AUTS2: variants seen among roughly 807,000 people sequenced by gnomAD.
The protein encoded by AUTS2 is autism susceptibility gene 2 protein.
Under a neutral mutation model 112.4 loss-of-function variants are expected in AUTS2, and 17 were observed. The observed-to-expected ratio is 0.15, with a 90% CI of 0.10 to 0.23. The LOEUF (loss-of-function observed/expected upper bound fraction) is 0.23. Ranked by LOEUF, AUTS2 falls within the 10% of genes least tolerant of loss-of-function variation. The pLI, the probability that AUTS2 is intolerant of heterozygous loss-of-function variation, is 1.00. For synonymous variants in AUTS2, 751 were observed against 702.7 expected, an observed-to-expected ratio of 1.07 and a Z score of -1.09; for missense variants, 1,510 against 1,701.6, an observed-to-expected ratio of 0.89 and a Z score of 1.98.
intron 4 of AUTS2, chr7:70,290,689 A>G (rs1788668801): frequency 4.5e-6 from 6 of 1,329,608 alleles, no homozygotes; most frequent in Middle Eastern, 5.5e-4. Context: ...CAATTCAGGT[A>G]TCAGATCCTT....
At chr7:70,437,221 T>G (rs983536260) in intron 5 of AUTS2, 2 of 152,228 alleles carry the variant, frequency 1.3e-5, no homozygotes, top group Non-Finnish European at 2.9e-5. Context: ...AACTGACAAG[T>G]AGGAGCTGCC....
chr7:69,799,485 G>A lies in AUTS2; in HGVS notation c.310-99801G>A, dbSNP rs116345687. 2.2e-3 allele frequency among the ~76,000 whole-genome samples: 331 copies of A among 152,196 alleles called. 1 individual carries two copies. The highest frequency in any genetic ancestry group is 7.6e-3 in the African/African-American group (316 of 41,518). ...TGAGGTCCAGCGAGTTTGGGGAACC[G>A]GTATTTTAGACAGGCAGGGAAGTGT... On this transcript the variant is annotated intron_variant, in intron 1 of 18. Transcript: ENST00000342771.
intron 1 of AUTS2, among the ~76,000 whole-genome samples, chr7:69,765,569 G>A (rs1307142889): frequency 6.6e-6 from 1 of 152,086 alleles, no homozygotes; most frequent in Non-Finnish European, 1.5e-5. Context: ...CTCCTGCCTT[G>A]ACCTCCCAAA....
rs556544155 is a variant in AUTS2 at position 70,105,678 on chromosome 7, A to G, written c.523-12454A>G. Among the ~76,000 whole-genome samples, 44 of 152,292 alleles carry G rather than the reference A, an allele frequency of 2.9e-4. 1 individual carries two copies. The South Asian group carries it at 9.1e-3, about 32-fold the overall frequency. ...CACTGTAGCTGCAAGAGCCAGAAAT[A>G]AACTCTTCATTTACTGGCCTCTCCC... On this transcript the variant is annotated intron_variant, in intron 2 of 18. Transcript: ENST00000342771.
intron 4 of AUTS2, among the ~76,000 whole-genome samples, chr7:70,255,318 C>T (rs1266073518): frequency 2.0e-5 from 3 of 151,934 alleles, no homozygotes; most frequent in Non-Finnish European, 4.4e-5. Context: ...GTTATCCGCC[C>T]GCCTCAGCCT....
intron 4 of AUTS2, among the ~76,000 whole-genome samples, chr7:70,281,452 G>C (rs1300338123): frequency 6.6e-6 from 1 of 152,242 alleles, no homozygotes; most frequent in African/African-American, 2.4e-5. Flanking sequence ...GAGAAGAAGA[G>C]ACAGCAAGTG....
intron 1 of AUTS2, among the ~76,000 whole-genome samples, chr7:69,874,451 C>A (rs1793638109): frequency 6.6e-6 from 1 of 152,100 alleles, no homozygotes; most frequent in African/African-American, 2.4e-5. Flanking sequence ...AAGTGGCATG[C>A]TTAAACTTGC....
chr7:70,340,016 C>G (rs2129620484), intron 4 of AUTS2, among the ~76,000 whole-genome samples: 1 of 152,224 alleles, frequency 6.6e-6, no homozygotes, highest in South Asian at 2.1e-4. Flanking sequence ...AAAATTGCAG[C>G]TCTTTTACTT....
intron 6 of AUTS2, among the ~76,000 whole-genome samples, chr7:70,730,157 C>G (rs7790623): frequency 0.23 from 34,836 of 151,968 alleles, 4,849 homozygotes; most frequent in East Asian, 0.58. Context: ...GCTGGGATTA[C>G]AGGTGTGAGC....
At chr7:70,249,268 CTTCTT>C (rs1813087873) in intron 4 of AUTS2, among the ~76,000 whole-genome samples, 1 of 152,016 alleles carries the variant, frequency 6.6e-6, no homozygotes, top group African/African-American at 2.4e-5. Context: ...GATTTGTTGT[CTTCTT>C]TTTTTAATTT....
chr7:69,895,775 A>G (rs1266745914), intron 1 of AUTS2, among the ~76,000 whole-genome samples: 2 of 152,248 alleles, frequency 1.3e-5, no homozygotes, highest in South Asian at 2.1e-4. Flanking sequence ...TCACATTTGT[A>G]TGGAATTACA....
At chr7:69,695,452 TA>T (rs1459902063) in intron 1 of AUTS2, among the ~76,000 whole-genome samples, 1 of 152,156 alleles carries the variant, frequency 6.6e-6, no homozygotes, top group Non-Finnish European at 1.5e-5. Context: ...TAATAAAATA[TA>T]AAACAAAAAA....
chr7:70,637,866 T>A (rs1347632203), intron 5 of AUTS2, among the ~76,000 whole-genome samples: 1 of 152,194 alleles, frequency 6.6e-6, no homozygotes, highest in Non-Finnish European at 1.5e-5. Context: ...CTTTGTTAAC[T>A]CCCTGGCAGA....
At chr7:70,212,352 A>G (rs962172088) in intron 4 of AUTS2, among the ~76,000 whole-genome samples, 1 of 152,224 alleles carries the variant, frequency 6.6e-6, no homozygotes, top group Non-Finnish European at 1.5e-5. Flanking sequence ...TCTGCTTAGC[A>G]GTTTCACCAG....
At chr7:70,496,152 A>T (rs1798483832) in intron 5 of AUTS2, among the ~76,000 whole-genome samples, 1 of 109,290 alleles carries the variant, frequency 9.1e-6, no homozygotes. Flanking sequence ...CCCCACTCAC[A>T]CACACCACGT....
intron 4 of AUTS2, among the ~76,000 whole-genome samples, chr7:70,371,145 C>T (rs1429515681): frequency 6.6e-6 from 1 of 152,136 alleles, no homozygotes; most frequent in East Asian, 1.9e-4. Context: ...TCTAACCATT[C>T]TCAGTCCTTG....
intron 1 of AUTS2, among the ~76,000 whole-genome samples, chr7:69,747,676 A>G (rs1283500687): frequency 6.6e-6 from 1 of 152,020 alleles, no homozygotes; most frequent in African/African-American, 2.4e-5. Flanking sequence ...CCACCACCGC[A>G]TGAGCTGCTT....
chr7:70,085,967 T>C (rs1212996924), intron 2 of AUTS2, among the ~76,000 whole-genome samples: 2 of 152,204 alleles, frequency 1.3e-5, no homozygotes, highest in African/African-American at 4.8e-5. Flanking sequence ...ACATGTGTAC[T>C]GCAAAGCCTA....
intron 2 of AUTS2, among the ~76,000 whole-genome samples, chr7:69,940,767 G>A (rs1222985940): frequency 6.6e-5 from 10 of 152,164 alleles, no homozygotes; most frequent in African/African-American, 2.4e-4. Context: ...GAAGGAGGAT[G>A]GCAGCCTGGA....
Sources: gnomAD v4.1 joint callset for allele counts (sites outside exome capture counted in the v4.1 genomes callset) on GRCh38, gnomAD v4.1.1 for gene constraint, MANE v1.5 for transcripts, NCBI Gene and HGNC (gene_info 2026-07-23, HGNC 2026-07-21) for gene names.